The following GALNT7 variants were observed in gnomAD, a reference collection of about 807,000 sequenced individuals.
GALNT7 encodes polypeptide N-acetylgalactosaminyltransferase 7, also known as N-acetylgalactosaminyltransferase 7.
Under a neutral mutation model 82.1 loss-of-function variants are expected in GALNT7, and 60 were observed. That is an observed-to-expected ratio of 0.73 (90% CI 0.59 to 0.91). GALNT7 has a LOEUF of 0.91. Ranked by LOEUF, GALNT7 falls within the 40% of genes least tolerant of loss-of-function variation. GALNT7 has a pLI of 0.00. For missense variants in GALNT7, 660 were observed against 804.2 expected (o/e 0.82, Z 2.17); for synonymous variants, 243 against 275.1 (o/e 0.88, Z 1.15).
intron 8 of GALNT7, among the ~76,000 whole-genome samples, chr4:173,312,405 G>A (rs1737419380): frequency 6.6e-6 from 1 of 152,210 alleles, no homozygotes; most frequent in South Asian, 2.1e-4. Context: ...GGCGAGAGAG[G>A]AAGCAAGAGA....
intron 1 of GALNT7, among the ~76,000 whole-genome samples, chr4:173,197,337 A>C (rs1216966170): frequency 6.6e-6 from 1 of 152,074 alleles, no homozygotes; most frequent in Non-Finnish European, 1.5e-5. Flanking sequence ...TCTTAAAAAG[A>C]GTAAAGAAAT....
At chr4:173,288,005 C>T (rs535205891) in intron 2 of GALNT7, among the ~76,000 whole-genome samples, 12 of 152,154 alleles carry the variant, frequency 7.9e-5, no homozygotes, top group African/African-American at 2.2e-4. Context: ...CATATGAGGC[C>T]GGGCGCGGTG....
chr4:173,258,987 G>A lies in GALNT7; in HGVS notation c.587+10547G>A, dbSNP rs140949407. Among the ~76,000 whole-genome samples the A allele has an allele frequency of 1.1e-3, 164 of 152,316 alleles. 1 individual carries two copies. Among genetic ancestry groups the A allele is most frequent in the African/African-American group, 3.5e-3 (147 of 41,574 alleles). Reference sequence around the variant, plus strand: ...TTCTTTGTTGACAGTTCTTTGTCCTGTACATTGTAGGATGTTTAGCAGCAT... The same window carrying A: ...TTCTTTGTTGACAGTTCTTTGTCCTATACATTGTAGGATGTTTAGCAGCAT... On this transcript the variant is annotated intron_variant, in intron 2 of 11. Transcript: ENST00000265000.
intron 1 of GALNT7, among the ~76,000 whole-genome samples, chr4:173,232,069 G>C (rs1235207196): frequency 6.6e-6 from 1 of 152,194 alleles, no homozygotes; most frequent in Non-Finnish European, 1.5e-5. Flanking sequence ...AAGGAAGAGA[G>C]GAGGAAAGCA....
At chr4:173,316,551 C>T (rs1737612475) in intron 9 of GALNT7, 1 of 152,212 alleles carries the variant, frequency 6.6e-6, no homozygotes, top group Non-Finnish European at 1.5e-5. Context: ...GTGGCATGCC[C>T]ATTACTGGGG....
At chr4:173,317,303 G>A (rs1290904934) in intron 9 of GALNT7, 1 of 242,690 alleles carries the variant, frequency 4.1e-6, no homozygotes, top group Admixed American at 5.3e-5. Flanking sequence ...TATTACCACT[G>A]TGGTTAGGTT....
rs143854996 is a variant in GALNT7 at position 173,236,126 on chromosome 4, A to T, written c.127-11854A>T. Among the ~76,000 whole-genome samples the T allele has an allele frequency of 3.3e-5, 5 of 152,282 alleles. No individual in the cohort carries two copies. In the East Asian group the frequency reaches 9.7e-4, roughly 29 times the overall value. ...ACAAAAATGCTTTGTGTGCTCTAGA[A>T]GGTAGAAAGCAGTATGACAGATCCA... On this transcript the variant is annotated intron_variant, in intron 1 of 11. Coordinates refer to ENST00000265000, the MANE Select transcript of GALNT7 (RefSeq NM_017423.3).
chr4:173,190,419 C>A (rs1561147630), intron 1 of GALNT7, among the ~76,000 whole-genome samples: 1 of 152,170 alleles, frequency 6.6e-6, no homozygotes, highest in Non-Finnish European at 1.5e-5. Flanking sequence ...GTCTTTGCTA[C>A]AAGGTAATAC....
chr4:173,270,888 C>G (rs1012268099), intron 2 of GALNT7, among the ~76,000 whole-genome samples: 3 of 152,188 alleles, frequency 2.0e-5, no homozygotes, highest in Middle Eastern at 3.2e-3. Flanking sequence ...CAGCTGCATT[C>G]TGTGCAGGCT....
At chr4:173,240,322 A>C (rs1734381396) in intron 1 of GALNT7, among the ~76,000 whole-genome samples, 2 of 151,684 alleles carry the variant, frequency 1.3e-5, no homozygotes, top group Non-Finnish European at 2.9e-5. Flanking sequence ...TATCTACTTG[A>C]AATAGAGATG....
At chr4:173,255,432 C>T (rs1735002891) in intron 2 of GALNT7, among the ~76,000 whole-genome samples, 1 of 152,128 alleles carries the variant, frequency 6.6e-6, no homozygotes, top group Non-Finnish European at 1.5e-5. Flanking sequence ...CAAAGTATGC[C>T]TGATAAAAAG....
At position 173,266,771 on chromosome 4, in the gene GALNT7, G is replaced by A. The variant is rs1210412280; in HGVS notation, c.587+18331G>A. Among the ~76,000 whole-genome samples the A allele has an allele frequency of 7.9e-5, 12 of 152,064 alleles. No homozygotes were observed. In the South Asian group the frequency reaches 1.7e-3, roughly 21 times the overall value. On this transcript the variant is annotated intron_variant, in intron 2 of 11. Transcript: ENST00000265000. ...TTATGTTAAAAATAAGCCAGGCACC[G>A]AAAGACAAGTATTGCATGTTCTCAC...
At chr4:173,176,685 T>C (rs1579877992) in intron 1 of GALNT7, among the ~76,000 whole-genome samples, 3 of 152,148 alleles carry the variant, frequency 2.0e-5, no homozygotes, top group East Asian at 3.9e-4. Context: ...GCTTGTCTTA[T>C]AAAAAGAGAT....
intron 1 of GALNT7, among the ~76,000 whole-genome samples, chr4:173,227,259 G>C (rs1414603696): frequency 2.0e-5 from 3 of 152,194 alleles, no homozygotes; most frequent in Non-Finnish European, 4.4e-5. Flanking sequence ...GAACCTGGGA[G>C]CAGGTAAGTA....
chr4:173,308,756 A>G (rs1273874775), intron 8 of GALNT7, among the ~76,000 whole-genome samples: 1 of 152,192 alleles, frequency 6.6e-6, no homozygotes, highest in African/African-American at 2.4e-5. Context: ...TACAAAAATT[A>G]GCTGGGTGTG....
At chr4:173,307,539 G>C (rs1737204735) in intron 8 of GALNT7, among the ~76,000 whole-genome samples, 1 of 152,154 alleles carries the variant, frequency 6.6e-6, no homozygotes, top group African/African-American at 2.4e-5. Context: ...CAGTATGTGA[G>C]GCCCAGATGC....
intron 1 of GALNT7, among the ~76,000 whole-genome samples, chr4:173,216,723 A>ATTTTTTTTT (rs1561157857): frequency 2.1e-3 from 18 of 8,466 alleles, no homozygotes; most frequent in African/African-American, 3.2e-3. Flanking sequence ...ATATATATAT[A>ATTTTTTTTT]TATATTTTTT....
chr4:173,186,712 T>C (rs1458202908), intron 1 of GALNT7, among the ~76,000 whole-genome samples: 1 of 152,186 alleles, frequency 6.6e-6, no homozygotes, highest in Non-Finnish European at 1.5e-5. Context: ...ACTTTTGCCT[T>C]AAAAGTTATA....
Position 173,178,056 on chromosome 4 carries a change from CGCACGCGCGT to C in GALNT7, c.126+9098_126+9107del, listed in dbSNP as rs1323434729. ...GTGTGTGTGTGTGTGTGTGTGTGCG[CGCACGCGCGT>C]GCGCACAGACACCTATGTATATATA... On this transcript the variant is annotated intron_variant, in intron 1 of 11. Coordinates refer to ENST00000265000, the MANE Select transcript of GALNT7 (RefSeq NM_017423.3). Among the ~76,000 whole-genome samples the C allele has an allele frequency of 8.9e-3, 1,142 of 128,546 alleles. 25 individuals carry two copies. Among genetic ancestry groups the C allele is most frequent in the African/African-American group, 0.038 (1,061 of 27,600 alleles). The allele number at this position is 128,546 out of a possible 152,430, so 84.3% of individuals were successfully genotyped here. A position where few individuals can be genotyped will look rare whatever the true frequency, so the allele number is the denominator to read the frequency against.
Sources: gnomAD v4.1 joint callset for allele counts (sites outside exome capture counted in the v4.1 genomes callset) on GRCh38, gnomAD v4.1.1 for gene constraint, MANE v1.5 for transcripts, NCBI Gene and HGNC (gene_info 2026-07-23, HGNC 2026-07-21) for gene names.